The following PARN variants were observed in gnomAD, a reference collection of about 807,000 sequenced individuals.
PARN encodes the protein poly(A)-specific ribonuclease PARN.
Under a neutral mutation model 102.8 loss-of-function variants are expected in PARN, and 71 were observed. The observed-to-expected ratio is 0.69, with a 90% CI of 0.57 to 0.84. The LOEUF (loss-of-function observed/expected upper bound fraction) is 0.84, where lower values mean the gene tolerates loss of function less well. Among genes scored for constraint, PARN ranks in the 40% least tolerant of loss-of-function variants. The pLI is 0.00. For synonymous variants in PARN, 261 were observed against 252.9 expected (o/e 1.03, Z -0.30); for missense variants, 782 against 760.9 (o/e 1.03, Z -0.33).
At chr16:14,552,225 A>T in intron 20 of PARN, 130 bp from the exon 21 acceptor site, 1 of 623,618 alleles carries the variant, frequency 1.6e-6, no homozygotes, top group Non-Finnish European at 2.8e-6. Context: ...TTAAAATGTG[A>T]TCAAAATCTC....
chr16:14,572,570 T>C (rs1260178473), intron 18 of PARN, among the ~76,000 whole-genome samples: 2 of 152,200 alleles, frequency 1.3e-5, no homozygotes, highest in Admixed American at 6.5e-5. Flanking sequence ...ATACAGCTGT[T>C]ATGTATACCT....
At position 14,599,954 on chromosome 16, in the gene PARN, GCTC is replaced by G. The variant is rs1416130211; in HGVS notation, c.787_789del (p.Glu263del). ...CTAGAAAATCCCACAGCATCATTCA[GCTC>G]CTCCTAATTAAAAAAATATATACAT... On this transcript the variant is annotated inframe_deletion, in exon 12 of 24. Transcript: ENST00000437198. The G allele has an allele frequency of 3.8e-6, 6 of 1,581,974 alleles. No homozygotes were observed. Among genetic ancestry groups the G allele is most frequent in the South Asian group, 2.3e-5 (2 of 87,488 alleles).
chr16:14,608,096 T>C, intron 9 of PARN, 185 bp downstream of exon 9: 1 of 608,440 alleles, frequency 1.6e-6, no homozygotes, highest in Non-Finnish European at 2.9e-6. Context: ...TTAAAGCATC[T>C]GTTAAAAAAC....
At chr16:14,616,151 CA>C (rs1164558740) in intron 6 of PARN, among the ~76,000 whole-genome samples, 7 of 152,078 alleles carry the variant, frequency 4.6e-5, no homozygotes, top group Non-Finnish European at 8.8e-5. Flanking sequence ...AATACCACTG[CA>C]AAAAGCACAG....
At chr16:14,527,840 A>G (rs1966089495) in intron 21 of PARN, among the ~76,000 whole-genome samples, 1 of 152,182 alleles carries the variant, frequency 6.6e-6, no homozygotes, top group Non-Finnish European at 1.5e-5. Flanking sequence ...AAAATTCAAA[A>G]CAAAAAACTG....
chr16:14,609,287 CT>C (rs1190007485), intron 7 of PARN, among the ~76,000 whole-genome samples, 164 bp from the exon 8 acceptor site: 1 of 152,114 alleles, frequency 6.6e-6, no homozygotes, highest in East Asian at 1.9e-4. Context: ...TTTAAAAATG[CT>C]TTATTTTGAC....
rs1400809482 is a variant in PARN at position 14,582,178 on chromosome 16, T to G, written c.1192+3A>C. 1 of 1,565,856 alleles carries G rather than the reference T, an allele frequency of 6.4e-7. No homozygotes were observed. Among genetic ancestry groups the G allele is most frequent in the Non-Finnish European group, 8.8e-7 (1 of 1,135,946 alleles). On this transcript the variant is annotated splice_donor_region_variant and intron_variant, in intron 17 of 23. Coordinates refer to ENST00000437198, the MANE Select transcript of PARN (RefSeq NM_002582.4). The stretch of plus-strand genomic sequence containing the variant: ...GTTTGACTGAAAGACATGTAATGCG[T>G]ACCTAGGTAATTGGCCATGGAGATG...
At chr16:14,575,689 G>A (rs751938564) in intron 18 of PARN, among the ~76,000 whole-genome samples, 1 of 152,162 alleles carries the variant, frequency 6.6e-6, no homozygotes, top group Admixed American at 6.5e-5. Flanking sequence ...GGACTTTTAA[G>A]TTAATGCTGA....
intron 18 of PARN, among the ~76,000 whole-genome samples, chr16:14,556,759 G>A (rs1191749612): frequency 6.6e-6 from 1 of 151,976 alleles, no homozygotes; most frequent in Non-Finnish European, 1.5e-5. Context: ...CCCTTACAAT[G>A]GGCATTTGTG....
At chr16:14,589,433 C>A (rs938292444) in intron 13 of PARN, among the ~76,000 whole-genome samples, 1 of 151,964 alleles carries the variant, frequency 6.6e-6, no homozygotes, top group Admixed American at 6.6e-5. Flanking sequence ...GGCATGGTGG[C>A]ATGTGCCTGT....
chr16:14,501,973 GATT>G (rs1964644168), intron 21 of PARN, among the ~76,000 whole-genome samples: 1 of 152,180 alleles, frequency 6.6e-6, no homozygotes, highest in African/African-American at 2.4e-5. Context: ...ATGCTGTTTA[GATT>G]ATTTTTAAAA....
At chr16:14,480,007 G>GA (rs1257803752) in intron 22 of PARN, among the ~76,000 whole-genome samples, 1 of 151,710 alleles carries the variant, frequency 6.6e-6, no homozygotes, top group African/African-American at 2.4e-5. Context: ...CAATAAACGG[G>GA]AAAAAACTTA....
intron 4 of PARN, 24 bp from the exon 5 acceptor site, chr16:14,627,211 T>C (rs1389804090): frequency 1.9e-6 from 3 of 1,573,444 alleles, no homozygotes; most frequent in East Asian, 2.2e-5. Context: ...AAAGGAGACT[T>C]AGGAGGTGAC....
intron 23 of PARN, among the ~76,000 whole-genome samples, chr16:14,441,994 T>C (rs532297766): frequency 5.3e-5 from 8 of 152,196 alleles, no homozygotes; most frequent in Non-Finnish European, 1.0e-4. Flanking sequence ...GCCTAACATG[T>C]TGTTTTAAAT....
chr16:14,573,260 T>G (rs1274837986), intron 18 of PARN, among the ~76,000 whole-genome samples: 1 of 152,222 alleles, frequency 6.6e-6, no homozygotes, highest in Non-Finnish European at 1.5e-5. Flanking sequence ...GTATACACTG[T>G]AAGATGGCTA....
intron 13 of PARN, among the ~76,000 whole-genome samples, chr16:14,587,396 TATCAAGA>T (rs1490056713): frequency 3.3e-5 from 5 of 152,232 alleles, no homozygotes; most frequent in African/African-American, 1.2e-4. Flanking sequence ...CATGCTCAAG[TATCAAGA>T]TAGTTCATAA....
At chr16:14,438,445 G>C (rs897222367) in intron 23 of PARN, among the ~76,000 whole-genome samples, 2 of 150,686 alleles carry the variant, frequency 1.3e-5, no homozygotes, top group Non-Finnish European at 3.0e-5. Flanking sequence ...ATTAGTTGGG[G>C]GGGGGGGTGT....
chr16:14,503,282 T>C (rs1023544516), intron 21 of PARN, among the ~76,000 whole-genome samples: 4 of 152,166 alleles, frequency 2.6e-5, no homozygotes, highest in African/African-American at 9.6e-5. Flanking sequence ...CATGTCAATT[T>C]GTATTCTAGG....
Position 14,463,840 on chromosome 16 carries a change from G to T in PARN, c.1671-16759C>A, listed in dbSNP as rs1281361641. ...AAAAAAGTCCAAACTTTTTTTTTTG[G>T]GGGGGGGGGGACGACAAGGTCTCAC... On this transcript the variant is annotated intron_variant, in intron 22 of 23. Transcript: ENST00000437198. Among the ~76,000 whole-genome samples, 6 of 126,868 alleles carry T rather than the reference G, an allele frequency of 4.7e-5. No homozygotes were observed. In the East Asian group the frequency reaches 1.6e-3, roughly 33 times the overall value. The allele number at this position is 126,868 out of a possible 152,430, so 83.2% of individuals were successfully genotyped here.
Sources: gnomAD v4.1 joint callset for allele counts (sites outside exome capture counted in the v4.1 genomes callset) on GRCh38, gnomAD v4.1.1 for gene constraint, MANE v1.5 for transcripts, NCBI Gene and HGNC (gene_info 2026-07-23, HGNC 2026-07-21) for gene names.